Variants in ARID1B observed in about 807,000 individuals in gnomAD.
The protein encoded by ARID1B is AT-rich interactive domain-containing protein 1B.
ARID1B carries 30 observed loss-of-function variants against 212.3 expected under a neutral mutation model. The observed-to-expected ratio is 0.14, with a 90% CI of 0.11 to 0.19. The LOEUF is 0.19. Ranked by LOEUF, ARID1B falls within the 10% of genes least tolerant of loss-of-function variation. The pLI, the probability that ARID1B is intolerant of heterozygous loss-of-function variation, is 1.00. For missense variants in ARID1B, 2,891 were observed against 3,204.0 expected, an observed-to-expected ratio of 0.90 and a Z score of 2.36; for synonymous variants, 1,402 against 1,301.7, an observed-to-expected ratio of 1.08 and a Z score of -1.66.
intron 2 of ARID1B, among the ~76,000 whole-genome samples, chr6:156,878,063 G>A (rs1786706996): frequency 6.6e-6 from 1 of 151,960 alleles, no homozygotes; most frequent in African/African-American, 2.4e-5. Context: ...CTTTTGAAGG[G>A]CTTCTCTCAC....
In ARID1B at chr6:156,985,389, G is replaced by T. The variant is rs1583080280; in HGVS notation, c.2247+49813G>T. On this transcript the variant is annotated intron_variant, in intron 4 of 19. Coordinates refer to ENST00000636930, the MANE Select transcript of ARID1B (RefSeq NM_001374828.1). ...AGGAAGGTTTTTTAATTCAGAGAAG[G>T]TGCTCATGTTTGAAAGACAATATAT... 3 of 152,220 alleles carry T rather than the reference G, an allele frequency of 2.0e-5. No individual in the cohort carries two copies. The South Asian group carries it at 6.2e-4, about 31-fold the overall frequency. The allele number at this position is 152,220 out of a possible 1,614,324, so 9.4% of individuals were successfully genotyped here.
chr6:157,114,109 T>C (rs1272329113), intron 6 of ARID1B, among the ~76,000 whole-genome samples: 9 of 152,170 alleles, frequency 5.9e-5, no homozygotes, highest in Non-Finnish European at 1.5e-5. Context: ...CATTCCCCCA[T>C]ATTGGAAAGT....
intron 4 of ARID1B, among the ~76,000 whole-genome samples, chr6:157,021,573 C>G (rs997572052): frequency 3.3e-5 from 5 of 152,198 alleles, no homozygotes; most frequent in African/African-American, 1.2e-4. Context: ...CGAAAACAAC[C>G]GCGTCCTCAG....
intron 2 of ARID1B, among the ~76,000 whole-genome samples, chr6:156,876,198 C>G (rs1786534497): frequency 6.6e-6 from 1 of 152,210 alleles, no homozygotes; most frequent in Admixed American, 6.5e-5. Context: ...GTAGATAGCA[C>G]TGATGTGACT....
At chr6:157,040,422 T>C (rs1427165966) in intron 4 of ARID1B, among the ~76,000 whole-genome samples, 1 of 152,226 alleles carries the variant, frequency 6.6e-6, no homozygotes, top group African/African-American at 2.4e-5. Flanking sequence ...CTGGAGTGTG[T>C]GTCCTGTGTA....
At chr6:157,099,366 TTTCTTTGCCCCAAG>T (rs2128492030) in intron 5 of ARID1B, among the ~76,000 whole-genome samples, 1 of 152,286 alleles carries the variant, frequency 6.6e-6, no homozygotes, top group Admixed American at 6.5e-5. Context: ...GACTTTTCAG[TTTCTTTGCCCCAAG>T]TTCTCTGTGG....
chr6:156,992,042 T>C (rs1583096786), intron 4 of ARID1B, among the ~76,000 whole-genome samples: 1 of 152,224 alleles, frequency 6.6e-6, no homozygotes, highest in Non-Finnish European at 1.5e-5. Context: ...ACCTTAGACA[T>C]AGGCATTATT....
intron 2 of ARID1B, among the ~76,000 whole-genome samples, chr6:156,896,387 AC>A (rs1266324206): frequency 6.6e-6 from 1 of 150,872 alleles, no homozygotes; most frequent in Non-Finnish European, 1.5e-5. Context: ...GACCAGCCTG[AC>A]CAATATGATG....
At chr6:157,026,672 G>C (rs933307137) in intron 4 of ARID1B, among the ~76,000 whole-genome samples, 1 of 152,070 alleles carries the variant, frequency 6.6e-6, no homozygotes, top group Non-Finnish European at 1.5e-5. Flanking sequence ...ACTTGTTTTT[G>C]TGCTAAAATA....
intron 1 of ARID1B, 85 bp downstream of exon 1, chr6:156,779,556 T>G: frequency 1.8e-6 from 2 of 1,133,674 alleles, no homozygotes; most frequent in Non-Finnish European, 2.2e-6. Context: ...CCGCGTACTT[T>G]TCCCCGTCTT....
intron 4 of ARID1B, among the ~76,000 whole-genome samples, chr6:156,977,605 G>T (rs1400295674): frequency 6.6e-6 from 1 of 151,912 alleles, no homozygotes; most frequent in Admixed American, 6.6e-5. Context: ...TAATATTGTT[G>T]ACTTTCAGTT....
intron 2 of ARID1B, among the ~76,000 whole-genome samples, chr6:156,842,264 G>C (rs117641964): frequency 0.011 from 1,743 of 152,232 alleles, 11 homozygotes; most frequent in Non-Finnish European, 0.018. Flanking sequence ...TCATTACGTA[G>C]TTACTCTCTG....
chr6:157,139,248 C>T (rs73791275), intron 7 of ARID1B, among the ~76,000 whole-genome samples: 17,034 of 152,286 alleles, frequency 0.11, 1,169 homozygotes, highest in African/African-American at 0.17. Flanking sequence ...CACCACCGTA[C>T]GCACCATGTC....
At chr6:157,065,633 C>T (rs374253770) in intron 4 of ARID1B, among the ~76,000 whole-genome samples, 5 of 152,172 alleles carry the variant, frequency 3.3e-5, no homozygotes, top group African/African-American at 9.7e-5. Flanking sequence ...CCATTACCTA[C>T]CCATAGAAAC....
chr6:157,053,078 TATTG>T (rs201539052), intron 4 of ARID1B, among the ~76,000 whole-genome samples: 9 of 151,496 alleles, frequency 5.9e-5, no homozygotes, highest in South Asian at 2.1e-4. Context: ...AGAATTATTT[TATTG>T]ATTGATTGAT....
intron 5 of ARID1B, among the ~76,000 whole-genome samples, chr6:157,092,447 A>G (rs1328126353): frequency 6.6e-6 from 1 of 152,208 alleles, no homozygotes; most frequent in African/African-American, 2.4e-5. Flanking sequence ...TCTGGTGGCC[A>G]AGGCCTTTGC....
rs1778851689 is a variant in ARID1B, at chr6:156,778,452, G to T, written c.772G>T (p.Gly258Cys). The T allele has an allele frequency of 7.1e-7, 1 of 1,406,596 alleles. No homozygotes were observed. Among genetic ancestry groups the T allele is most frequent in the Non-Finnish European group, 9.2e-7 (1 of 1,089,072 alleles). 87.1% of individuals were successfully genotyped at this position (1,406,596 alleles called of 1,614,324 possible). A position where few individuals can be genotyped will look rare whatever the true frequency, so the allele number is the denominator to read the frequency against. ...TGCGGGCGGCCAGGCCGACCCCCCGGGCCCGCCGCTGCTGAGCAAGCCGGG... is the reference window on the plus strand; with the variant it reads ...TGCGGGCGGCCAGGCCGACCCCCCGTGCCCGCCGCTGCTGAGCAAGCCGGG... ...SAAGGQADPP[G>C]PPLLSKPGDE... is the part of the protein sequence containing the mutation. Residue 258 changes from glycine to cysteine, a missense_variant, in exon 1 of 20, where the codon GGC (glycine) becomes TGC (cysteine). Around this residue, in one of 7 missense-constraint regions of ARID1B, gnomAD observed 1,643 missense variants for 1,544.0 expected, o/e 1.06. Coordinates refer to ENST00000636930, the MANE Select transcript of ARID1B (RefSeq NM_001374828.1).
chr6:157,157,400 G>T (rs143270374), intron 8 of ARID1B, among the ~76,000 whole-genome samples: 2 of 152,206 alleles, frequency 1.3e-5, no homozygotes, highest in African/African-American at 2.4e-5. Context: ...TTGGAATTAC[G>T]TGTGTGCAAC....
At chr6:156,950,964 G>A (rs953735915) in intron 4 of ARID1B, among the ~76,000 whole-genome samples, 1 of 151,814 alleles carries the variant, frequency 6.6e-6, no homozygotes, top group Non-Finnish European at 1.5e-5. Flanking sequence ...AAATACTCTG[G>A]TATTTTAATA....
Sources: gnomAD v4.1 joint callset for allele counts (sites outside exome capture counted in the v4.1 genomes callset) on GRCh38, gnomAD v4.1.1 for gene constraint, gnomAD v4.1.1 regional missense constraint, MANE v1.5 for transcripts, NCBI Gene and HGNC (gene_info 2026-07-23, HGNC 2026-07-21) for gene names.